Variants in CRACDL observed in about 807,000 individuals in gnomAD.
The protein encoded by CRACDL is CRACD-like protein.
A neutral mutation model predicts 70.6 loss-of-function variants in CRACDL; 26 were observed. The ratio of observed to expected loss-of-function variants is 0.37; its 90% CI spans 0.27 to 0.51. The LOEUF is 0.51. Ranked by LOEUF, CRACDL falls within the 20% of genes least tolerant of loss-of-function variation. CRACDL has a pLI of 0.94. For missense variants in CRACDL, 1,283 were observed against 1,376.9 expected (o/e 0.93, Z 1.08); for synonymous variants, 618 against 615.2 (o/e 1.00, Z -0.07).
intron 1 of CRACDL, among the ~76,000 whole-genome samples, chr2:98,879,847 C>T (rs1707593307): frequency 6.6e-6 from 1 of 152,234 alleles, no homozygotes; most frequent in African/African-American, 2.4e-5. Context: ...TGCGCAGCCT[C>T]AGCCTCTGTA....
chr2:98,909,185 G>T (rs1376712247), intron 1 of CRACDL, among the ~76,000 whole-genome samples: 1 of 152,188 alleles, frequency 6.6e-6, no homozygotes, highest in Non-Finnish European at 1.5e-5. Flanking sequence ...GCTATGTATG[G>T]TTTCTCTGCA....
chr2:98,851,600 G>C (rs1056287289), intron 1 of CRACDL, among the ~76,000 whole-genome samples: 1 of 152,088 alleles, frequency 6.6e-6, no homozygotes, highest in Non-Finnish European at 1.5e-5. Context: ...CATCTACCCT[G>C]CATCACCTTC....
At chr2:98,819,815 CTTT>C (rs34640405) in intron 7 of CRACDL, among the ~76,000 whole-genome samples, 1 of 99,026 alleles carries the variant, frequency 1.0e-5, no homozygotes. Context: ...CTGAAACATT[CTTT>C]TTTTTTTTTT....
chr2:98,795,083 T>A (rs1319524776), intron 9 of CRACDL, among the ~76,000 whole-genome samples: 4 of 105,210 alleles, frequency 3.8e-5, no homozygotes, highest in African/African-American at 1.6e-4. Context: ...ATATATTTTT[T>A]TTTTTTTTTG....
intron 1 of CRACDL, among the ~76,000 whole-genome samples, chr2:98,891,606 T>G (rs1707983116): frequency 6.6e-6 from 1 of 152,160 alleles, no homozygotes; most frequent in Admixed American, 6.5e-5. Flanking sequence ...AATAGCAATC[T>G]AAGACAGTTA....
intron 1 of CRACDL, among the ~76,000 whole-genome samples, chr2:98,920,643 C>G (rs1708781023): frequency 6.6e-6 from 1 of 152,170 alleles, no homozygotes; most frequent in Non-Finnish European, 1.5e-5. Flanking sequence ...GAAAAGCCTC[C>G]CCATACTTCC....
intron 1 of CRACDL, among the ~76,000 whole-genome samples, chr2:98,914,519 C>T (rs1181892085): frequency 6.6e-6 from 1 of 152,234 alleles, no homozygotes; most frequent in African/African-American, 2.4e-5. Context: ...GATTACATGG[C>T]TGGATATGGG....
intron 1 of CRACDL, among the ~76,000 whole-genome samples, chr2:98,893,997 G>A (rs777183198): frequency 5.9e-5 from 9 of 152,202 alleles, no homozygotes; most frequent in Admixed American, 5.2e-4. Flanking sequence ...AGGAGATTCC[G>A]AGGGGCAGCC....
chr2:98,851,650 A>T (rs1706487309), intron 1 of CRACDL, among the ~76,000 whole-genome samples: 1 of 152,202 alleles, frequency 6.6e-6, no homozygotes, highest in Non-Finnish European at 1.5e-5. Flanking sequence ...GGTCAGTATC[A>T]GCAGTGATGC....
At chr2:98,878,370 CA>C (rs1457058204) in intron 1 of CRACDL, among the ~76,000 whole-genome samples, 1 of 152,020 alleles carries the variant, frequency 6.6e-6, no homozygotes, top group Non-Finnish European at 1.5e-5. Context: ...ACAAACTTAC[CA>C]TTGTATTACA....
intron 1 of CRACDL, among the ~76,000 whole-genome samples, chr2:98,861,208 G>T (rs1379654431): frequency 6.6e-6 from 1 of 152,138 alleles, no homozygotes; most frequent in Non-Finnish European, 1.5e-5. Flanking sequence ...TTAGCTGGGC[G>T]TGGTGGTGCA....
intron 1 of CRACDL, among the ~76,000 whole-genome samples, chr2:98,892,032 G>C (rs775951616): frequency 2.6e-5 from 4 of 152,204 alleles, no homozygotes; most frequent in African/African-American, 4.8e-5. Context: ...TAAGAAGGTA[G>C]ACACTACTCA....
chr2:98,848,676 T>C (rs750418175), intron 1 of CRACDL, among the ~76,000 whole-genome samples: 11 of 152,324 alleles, frequency 7.2e-5, no homozygotes, highest in Non-Finnish European at 1.3e-4. Context: ...CTCAACCTCC[T>C]GGGCTCAAGA....
intron 1 of CRACDL, among the ~76,000 whole-genome samples, chr2:98,926,526 T>C (rs962982643): frequency 6.6e-6 from 1 of 152,184 alleles, no homozygotes; most frequent in African/African-American, 2.4e-5. Context: ...GCTGCCCCCA[T>C]GGTCTCCAAC....
intron 7 of CRACDL, among the ~76,000 whole-genome samples, chr2:98,803,883 C>T (rs1367963511): frequency 6.6e-6 from 1 of 152,186 alleles, no homozygotes; most frequent in Non-Finnish European, 1.5e-5. Flanking sequence ...GGAAATGGGA[C>T]CTGTCTACAG....
At chr2:98,928,055 C>T (rs2048949) in intron 1 of CRACDL, among the ~76,000 whole-genome samples, 66,953 of 151,634 alleles carry the variant, frequency 0.44, 15,483 homozygotes, top group Admixed American at 0.59. Flanking sequence ...CATGGTGGTG[C>T]GTGCCTGTAA....
Position 98,823,348 on chromosome 2 carries a change from G to A in CRACDL, c.925C>T (p.Arg309Cys). Residue 309 changes from arginine (R) to cysteine (C), a missense_variant, in exon 7 of 10, where the codon CGC (arginine) becomes TGC (cysteine). This residue lies in a region of CRACDL where 362 missense variants were observed against 495.0 expected (regional missense o/e 0.73). Coordinates refer to ENST00000397899, the MANE Select transcript of CRACDL (RefSeq NM_207362.3). The surrounding 1 kb of genome is among the most constrained non-coding windows in gnomAD (Gnocchi z 4.0). ...GCGGAGGAGTGCTGCAGGCGGGCGC[G>A]TCTGGCACGGGCCCCTCCGGGTGGC... is the stretch of plus-strand genomic sequence containing the variant. ...LPPPGGARARRARLQHSSALT... is the reference protein window; with the variant it reads ...LPPPGGARARCARLQHSSALT... 6.6e-7 allele frequency: 1 copy of A among 1,510,656 alleles called. No individual in the cohort carries two copies. The allele number at this position is 1,510,656 out of a possible 1,614,324, so 93.6% of individuals were successfully genotyped here.
chr2:98,809,860 T>C (rs1704483059), intron 7 of CRACDL: 1 of 152,242 alleles, frequency 6.6e-6, no homozygotes, highest in South Asian at 2.1e-4. Flanking sequence ...GCAGTTAAAA[T>C]GTCTTTGCTG....
chr2:98,876,641 T>C (rs1437665849), intron 1 of CRACDL, among the ~76,000 whole-genome samples: 1 of 152,202 alleles, frequency 6.6e-6, no homozygotes, highest in Non-Finnish European at 1.5e-5. Flanking sequence ...ATAATTGTCT[T>C]CCATGAAACT....
Sources: gnomAD v4.1 joint callset for allele counts (sites outside exome capture counted in the v4.1 genomes callset) on GRCh38, gnomAD v4.1.1 for gene constraint, gnomAD v4.1.1 regional missense constraint, Gnocchi (gnomAD v3.1) non-coding constraint, MANE v1.5 for transcripts, NCBI Gene and HGNC (gene_info 2026-07-23, HGNC 2026-07-21) for gene names.